FAN1: variants seen among roughly 807,000 people sequenced by gnomAD.
The protein encoded by FAN1 is FANCD2 and FANCI associated nuclease 1, also known as fanconi-associated nuclease 1.
In FAN1, 91 loss-of-function variants were observed where a neutral mutation model predicts 104.9. The ratio of observed to expected loss-of-function variants is 0.87; its 90% confidence interval spans 0.73 to 1.03. FAN1 has a LOEUF of 1.03. Ranked by LOEUF, FAN1 falls within the 50% of genes least tolerant of loss-of-function variation. The pLI, the probability that FAN1 is intolerant of heterozygous loss-of-function variation, is 0.00. For synonymous variants in FAN1, 478 were observed against 457.6 expected, an observed-to-expected ratio of 1.04 and a Z score of -0.57; for missense variants, 1,263 against 1,239.9, an observed-to-expected ratio of 1.02 and a Z score of -0.28.
chr15:30,933,973 G>A (rs955031981), intron 13 of FAN1, among the ~76,000 whole-genome samples: 3 of 152,070 alleles, frequency 2.0e-5, no homozygotes, highest in Non-Finnish European at 2.9e-5. Context: ...TGTTGCCCAG[G>A]CTGGTCTCAA....
rs1284214469 is a variant in FAN1 at position 30,937,205 on chromosome 15, A to G, written c.3003A>G (p.Val1001=). Residue 1001 remains valine (V), a synonymous_variant, in exon 14 of 15, where the codon GTA becomes GTG. Transcript: ENST00000362065. ...AACTGCAGAAGCTGGGGGCTGAAGT[A>G]GAAGTCTGCCATGTGGTTGCAGTTG... ...LAELQKLGAE[V]EVCHVVAVGA... is the part of the protein sequence containing the mutation. 1.2e-6 allele frequency: 2 copies of G among 1,614,186 alleles called. No individual in the cohort carries two copies. The highest frequency in any genetic ancestry group is 2.2e-5 in the East Asian group (1 of 44,884).
chr15:30,907,064 T>C (rs1240938776), intron 2 of FAN1, among the ~76,000 whole-genome samples: 1 of 152,088 alleles, frequency 6.6e-6, no homozygotes. Flanking sequence ...CTAATTGTTT[T>C]TGCCTTTTTT....
intron 5 of FAN1, among the ~76,000 whole-genome samples, chr15:30,915,266 G>T (rs1449733091): frequency 6.6e-6 from 1 of 152,198 alleles, no homozygotes; most frequent in Non-Finnish European, 1.5e-5. Flanking sequence ...TCTCACAGAA[G>T]TAGAGAGTAG....
intron 4 of FAN1, among the ~76,000 whole-genome samples, chr15:30,912,419 CTG>C (rs2062118385): frequency 6.6e-6 from 1 of 152,220 alleles, no homozygotes; most frequent in Non-Finnish European, 1.5e-5. Context: ...GCTTAGTTTT[CTG>C]TGTTTAATGC....
chr15:30,943,031 C>T lies in FAN1; in HGVS notation c.*1469C>T. On this transcript the variant is annotated 3_prime_UTR_variant, in exon 15 of 15. Transcript: ENST00000362065. ...CCCAAACAGAGGGGAATTTTAAGCC[C>T]TTCTCATCACCCAATTGGATGTTTT... The T allele has an allele frequency of 6.5e-7, 1 of 1,548,400 alleles. No homozygotes were observed. Among genetic ancestry groups the T allele is most frequent in the Non-Finnish European group, 8.7e-7 (1 of 1,146,226 alleles).
Position 30,943,063 on chromosome 15 carries a change from T to C in FAN1, c.*1501T>C. The C allele has an allele frequency of 6.5e-7, 1 of 1,528,894 alleles. No homozygotes were observed. Among genetic ancestry groups the C allele is most frequent in the African/African-American group, 1.4e-5 (1 of 71,690 alleles). 94.7% of individuals were successfully genotyped at this position (1,528,894 alleles called of 1,614,324 possible). A position where few individuals can be genotyped will look rare whatever the true frequency, so the allele number is the denominator to read the frequency against. ...TCACCCAATTGGATGTTTTTGCTTA[T>C]AGCAAATTCCTGCAAAATAAATAAA... On this transcript the variant is annotated 3_prime_UTR_variant, in exon 15 of 15. Coordinates refer to ENST00000362065, the MANE Select transcript of FAN1 (RefSeq NM_014967.5).
intron 5 of FAN1, among the ~76,000 whole-genome samples, chr15:30,917,651 A>G (rs192213714): frequency 6.6e-6 from 1 of 152,354 alleles, no homozygotes; most frequent in Admixed American, 6.5e-5. Flanking sequence ...GTCTTTCTTA[A>G]GCTAAGTTGT....
intron 11 of FAN1, 24 bp from the exon 12 acceptor site, chr15:30,929,179 C>T: frequency 6.2e-7 from 1 of 1,605,936 alleles, no homozygotes; most frequent in Non-Finnish European, 8.5e-7. Flanking sequence ...CACAGTATGA[C>T]AGCTTGCTTT....
chr15:30,934,727 C>T (rs991189104), intron 13 of FAN1, among the ~76,000 whole-genome samples: 1 of 152,118 alleles, frequency 6.6e-6, no homozygotes, highest in African/African-American at 2.4e-5. Flanking sequence ...GGCTTGTTAG[C>T]TGTAACTGTT....
In FAN1 at chr15:30,905,322, C is replaced by T. The variant is rs1351080818; in HGVS notation, c.659C>T (p.Ser220Phe). 6.2e-7 allele frequency: 1 copy of T among 1,613,858 alleles called. No homozygotes were observed. The highest frequency in any genetic ancestry group is 1.1e-5 in the South Asian group (1 of 91,068). The change falls in exon 2 of 15, where the codon TCT becomes TTT. Residue 220 changes from serine (S) to phenylalanine (F), a missense_variant. Around this residue, in one of 2 missense-constraint regions of FAN1, gnomAD observed 682 missense variants for 571.1 expected, o/e 1.19. Transcript: ENST00000362065. ...AAAGAAAACGTGTTTAAATGTGATT[C>T]TCTAAAGGAAGAGTGCATTCCTGAA... is the stretch of plus-strand genomic sequence containing the variant. Reference protein sequence around the residue: ...SQKENVFKCDSLKEECIPEHM... With the variant: ...SQKENVFKCDFLKEECIPEHM...
chr15:30,918,655 G>A (rs76529048), intron 6 of FAN1, among the ~76,000 whole-genome samples: 6,319 of 152,234 alleles, frequency 0.042, 228 homozygotes, highest in Admixed American at 0.1. Flanking sequence ...TGGTAGGTGG[G>A]TTCCTCTGAG....
In FAN1 at chr15:30,922,105, C is replaced by A. The variant is rs533363393; in HGVS notation, c.2053-130C>A. 1.9e-5 allele frequency: 23 copies of A among 1,208,338 alleles called. 1 individual carries two copies. Among genetic ancestry groups the A allele is most frequent in the Non-Finnish European group, 2.6e-5 (22 of 862,028 alleles). The allele number at this position is 1,208,338 out of a possible 1,614,324, so 74.9% of individuals were successfully genotyped here. A position where few individuals can be genotyped will look rare whatever the true frequency, so the allele number is the denominator to read the frequency against. On this transcript the variant is annotated intron_variant, in intron 7 of 14. Transcript: ENST00000362065. The stretch of plus-strand genomic sequence containing the variant: ...AGTCCCTGTCCTGTCAGTTCGGGGT[C>A]CTTGGCCTCATTGTAGAATGGAAAG...
In FAN1 at chr15:30,908,980, C is replaced by G. The variant is rs538089685; in HGVS notation, c.1375+722C>G. On this transcript the variant is annotated intron_variant, in intron 3 of 14. Coordinates refer to ENST00000362065, the MANE Select transcript of FAN1 (RefSeq NM_014967.5). ...TTGCCTCTAAAAACTTCATCTGCCCCCCTTGCACACACATACAGTTCTTCG... is the reference window on the plus strand; with the variant it reads ...TTGCCTCTAAAAACTTCATCTGCCCGCCTTGCACACACATACAGTTCTTCG... Among the ~76,000 whole-genome samples, 4 of 152,324 alleles carry G rather than the reference C, an allele frequency of 2.6e-5. No homozygotes were observed. The South Asian group carries it at 6.2e-4, about 24-fold the overall frequency.
chr15:30,905,973 A>G lies in FAN1; in HGVS notation c.1234+76A>G. 3.7e-6 allele frequency: 5 copies of G among 1,365,436 alleles called. No homozygotes were observed. The Admixed American group carries it at 7.4e-5, about 20-fold the overall frequency. 84.6% of individuals were successfully genotyped at this position (1,365,436 alleles called of 1,614,324 possible). On this transcript the variant is annotated intron_variant, in intron 2 of 14. Transcript: ENST00000362065. ...CTGATTGGGGCATGATGTGATGGGC[A>G]GTAATCTAGTGACCGCAAGGAGTCA... is the stretch of plus-strand genomic sequence containing the variant.
In FAN1 at chr15:30,929,806, A is replaced by T. The variant is rs1023669723; in HGVS notation, c.2787+409A>T. Among the ~76,000 whole-genome samples, 30 of 60,610 alleles carry T rather than the reference A, an allele frequency of 4.9e-4. 5 individuals carry two copies. The highest frequency in any genetic ancestry group is 2.5e-3 in the African/African-American group (29 of 11,388). 39.8% of individuals were successfully genotyped at this position (60,610 alleles called of 152,430 possible). A position where few individuals can be genotyped will look rare whatever the true frequency, so the allele number is the denominator to read the frequency against. Reference sequence around the variant, plus strand: ...ATATCATATATAATATAATATATAAAATATATAATATATTATATCATATAT... The same window carrying T: ...ATATCATATATAATATAATATATAATATATATAATATATTATATCATATAT... On this transcript the variant is annotated intron_variant, in intron 12 of 14. Coordinates refer to ENST00000362065, the MANE Select transcript of FAN1 (RefSeq NM_014967.5).
rs1400753259 is a variant in FAN1 at position 30,942,950 on chromosome 15, G to C, written c.*1388G>C. 1 of 1,563,794 alleles carries C rather than the reference G, an allele frequency of 6.4e-7. No homozygotes were observed. Among genetic ancestry groups the C allele is most frequent in the Admixed American group, 1.9e-5 (1 of 52,562 alleles). On this transcript the variant is annotated 3_prime_UTR_variant, in exon 15 of 15. Transcript: ENST00000362065. The stretch of plus-strand genomic sequence containing the variant: ...GTATACAAGGTGTGCTCTTTCCAAT[G>C]TAGAAGGGGTTATGGAAAAGGGTGC...
chr15:30,919,378 C>CA (rs34395788), intron 6 of FAN1, among the ~76,000 whole-genome samples: 1,101 of 75,032 alleles, frequency 0.015, 15 homozygotes, highest in African/African-American at 0.033. Flanking sequence ...AACTCCGTCT[C>CA]AAAAAAAAAA....
At chr15:30,904,131 G>A (rs897243853) in intron 1 of FAN1, 120 bp downstream of exon 1, 1 of 152,290 alleles carries the variant, frequency 6.6e-6, no homozygotes, top group African/African-American at 2.4e-5. Context: ...CCCGCGGCTG[G>A]GGCGTTTCAT....
chr15:30,924,989 A>G, intron 8 of FAN1, 138 bp from the exon 9 acceptor site: 3 of 836,804 alleles, frequency 3.6e-6, no homozygotes, highest in Non-Finnish European at 5.5e-6. Flanking sequence ...AACAGCCTAA[A>G]TCTCTAGAAG....
Sources: gnomAD v4.1 joint callset for allele counts (sites outside exome capture counted in the v4.1 genomes callset) on GRCh38, gnomAD v4.1.1 for gene constraint, gnomAD v4.1.1 regional missense constraint, MANE v1.5 for transcripts, NCBI Gene and HGNC (gene_info 2026-07-23, HGNC 2026-07-21) for gene names.